The following PDE8A variants were observed in gnomAD, a reference collection of about 807,000 sequenced individuals.
PDE8A encodes the protein high affinity cAMP-specific and IBMX-insensitive 3',5'-cyclic phosphodiesterase 8A.
PDE8A carries 59 observed loss-of-function variants against 105.0 expected under a neutral mutation model. The observed-to-expected ratio is 0.56, with a 90% confidence interval of 0.46 to 0.70. The LOEUF (loss-of-function observed/expected upper bound fraction) is 0.70. PDE8A is among the 30% of genes least tolerant of loss of function. The pLI, the probability that PDE8A is intolerant of heterozygous loss-of-function variation, is 0.00. For missense variants in PDE8A, 1,014 were observed against 1,045.9 expected, an observed-to-expected ratio of 0.97 and a Z score of 0.42; for synonymous variants, 355 against 371.9, an observed-to-expected ratio of 0.95 and a Z score of 0.52.
At chr15:85,059,759 T>C (rs2081115793) in intron 1 of PDE8A, among the ~76,000 whole-genome samples, 1 of 152,234 alleles carries the variant, frequency 6.6e-6, no homozygotes, top group Non-Finnish European at 1.5e-5. Flanking sequence ...ATTCTGCCAA[T>C]CTCTGTCTTT....
rs556242168 is a variant in PDE8A, at chr15:85,074,768, C to T, written c.435-1094C>T. Reference sequence around the variant, plus strand: ...ATCTTTGAGAGACTTGAGAACTAGTCACTCAAATTATTTTCTGGATTTTGT... The same window carrying T: ...ATCTTTGAGAGACTTGAGAACTAGTTACTCAAATTATTTTCTGGATTTTGT... On this transcript the variant is annotated intron_variant, in intron 3 of 21. Transcript: ENST00000394553. 4.6e-5 allele frequency among the ~76,000 whole-genome samples: 7 copies of T among 152,338 alleles called. No individual in the cohort carries two copies. In the South Asian group the frequency reaches 1.4e-3, roughly 32 times the overall value.
chr15:85,052,197 C>G (rs148181795), intron 1 of PDE8A, among the ~76,000 whole-genome samples: 1 of 152,262 alleles, frequency 6.6e-6, no homozygotes, highest in Non-Finnish European at 1.5e-5. Flanking sequence ...GTATATGTAC[C>G]ACATTTGCTT....
At chr15:85,059,311 A>C (rs1482734142) in intron 1 of PDE8A, among the ~76,000 whole-genome samples, 1 of 152,210 alleles carries the variant, frequency 6.6e-6, no homozygotes, top group East Asian at 1.9e-4. Flanking sequence ...AGAATGTCCC[A>C]TGTGCACTTG....
At chr15:85,055,107 T>G (rs1181254710) in intron 1 of PDE8A, among the ~76,000 whole-genome samples, 1 of 152,210 alleles carries the variant, frequency 6.6e-6, no homozygotes, top group East Asian at 1.9e-4. Context: ...TTAGTTTCCA[T>G]GTAGTTGGGT....
At position 85,086,629 on chromosome 15, in the gene PDE8A, C is replaced by T. The variant is rs141636245; in HGVS notation, c.636-2709C>T. On this transcript the variant is annotated intron_variant, in intron 6 of 21. Coordinates refer to ENST00000394553, the MANE Select transcript of PDE8A (RefSeq NM_002605.3). Reference sequence around the variant, plus strand: ...AATGATTTAACATTTTTTTATTTACCGTATCTGCGAAAGTTAAAAAAAAGT... The same window carrying T: ...AATGATTTAACATTTTTTTATTTACTGTATCTGCGAAAGTTAAAAAAAAGT... 5.3e-3 allele frequency among the ~76,000 whole-genome samples: 810 copies of T among 152,096 alleles called. 13 individuals carry two copies. The highest frequency in any genetic ancestry group is 0.021 in the East Asian group (109 of 5,184).
At chr15:85,057,061 G>T (rs1483059568) in intron 1 of PDE8A, among the ~76,000 whole-genome samples, 1 of 152,214 alleles carries the variant, frequency 6.6e-6, no homozygotes, top group Non-Finnish European at 1.5e-5. Flanking sequence ...CTGCAGGCCT[G>T]TTGGAGTTTG....
chr15:85,065,556 T>C (rs1005809826), intron 2 of PDE8A, among the ~76,000 whole-genome samples: 3 of 152,180 alleles, frequency 2.0e-5, no homozygotes, highest in Admixed American at 6.5e-5. Context: ...TGAACATGTT[T>C]CATTCACTAT....
chr15:85,106,798 G>C (rs1053697354), intron 11 of PDE8A, among the ~76,000 whole-genome samples: 7 of 152,322 alleles, frequency 4.6e-5, no homozygotes, highest in African/African-American at 1.4e-4. Context: ...TTGAATGCCA[G>C]GAAGTTCTTT....
intron 1 of PDE8A, among the ~76,000 whole-genome samples, chr15:85,043,627 A>G (rs1451706201): frequency 2.0e-5 from 3 of 152,224 alleles, no homozygotes; most frequent in African/African-American, 7.2e-5. Flanking sequence ...ACGATATTTA[A>G]GAACTAGATC....
chr15:85,004,194 A>G (rs769743050), intron 1 of PDE8A, among the ~76,000 whole-genome samples: 1 of 152,126 alleles, frequency 6.6e-6, no homozygotes, highest in Non-Finnish European at 1.5e-5. Flanking sequence ...CCCCTTTGCC[A>G]TGCATAATAG....
intron 1 of PDE8A, among the ~76,000 whole-genome samples, chr15:85,050,032 G>A (rs551038793): frequency 1.2e-4 from 18 of 152,234 alleles, no homozygotes; most frequent in Non-Finnish European, 1.8e-4. Flanking sequence ...GTGTCTCATT[G>A]TGGTTTTGAT....
chr15:85,004,790 A>G (rs1289551970), intron 1 of PDE8A, among the ~76,000 whole-genome samples: 1 of 150,678 alleles, frequency 6.6e-6, no homozygotes, highest in African/African-American at 2.4e-5. Flanking sequence ...GATGTATCTT[A>G]GTTTCACTTC....
chr15:84,994,151 C>T (rs1376706670), intron 1 of PDE8A, among the ~76,000 whole-genome samples: 2 of 152,164 alleles, frequency 1.3e-5, no homozygotes, highest in African/African-American at 2.4e-5. Context: ...TCAAGGTCTA[C>T]TCAGCTCTTT....
intron 18 of PDE8A, among the ~76,000 whole-genome samples, chr15:85,121,719 A>G (rs1230177232): frequency 3.3e-5 from 5 of 152,108 alleles, no homozygotes; most frequent in African/African-American, 9.7e-5. Context: ...TAGTATATTC[A>G]ATTTTAGAAT....
chr15:85,029,604 A>C, intron 1 of PDE8A, among the ~76,000 whole-genome samples: 1 of 152,148 alleles, frequency 6.6e-6, no homozygotes, highest in African/African-American at 2.4e-5. Context: ...ATTTGTATAT[A>C]TGTGGCGCTG....
chr15:85,001,706 G>T (rs1338451745), intron 1 of PDE8A, among the ~76,000 whole-genome samples: 1 of 152,190 alleles, frequency 6.6e-6, no homozygotes, highest in African/African-American at 2.4e-5. Flanking sequence ...GTGCACTGCT[G>T]AGTGTTGGAT....
chr15:85,101,684 T>C (rs1409287577), intron 11 of PDE8A, among the ~76,000 whole-genome samples: 1 of 152,136 alleles, frequency 6.6e-6, no homozygotes, highest in Non-Finnish European at 1.5e-5. Context: ...AATACCAGCA[T>C]TGCCATGGTC....
chr15:85,057,126 A>G lies in PDE8A; in HGVS notation c.187-7244A>G, dbSNP rs371195649. ...TGGGTATCACCAGCGGAGAACCACA[A>G]ATACTGCAGAACGGCAAATGTTGCT... On this transcript the variant is annotated intron_variant, in intron 1 of 21. Coordinates refer to ENST00000394553, the MANE Select transcript of PDE8A (RefSeq NM_002605.3). Among the ~76,000 whole-genome samples the G allele has an allele frequency of 6.6e-5, 10 of 152,120 alleles. No homozygotes were observed. In the South Asian group the frequency reaches 8.3e-4, roughly 13 times the overall value.
chr15:85,014,626 C>T (rs1238409722), intron 1 of PDE8A, among the ~76,000 whole-genome samples: 4 of 152,162 alleles, frequency 2.6e-5, no homozygotes, highest in Admixed American at 2.0e-4. Flanking sequence ...GCTCTTATTA[C>T]CTATATTGAT....
Sources: allele counts gnomAD v4.1 joint callset (sites outside exome capture counted in the v4.1 genomes callset), GRCh38; gene constraint gnomAD v4.1.1; transcripts MANE v1.5; gene names NCBI Gene and HGNC (gene_info 2026-07-23, HGNC 2026-07-21).